HIVEP3: variants seen among roughly 807,000 people sequenced by gnomAD.
HIVEP3 encodes HIVEP zinc finger 3, also known as transcription factor HIVEP3.
A neutral mutation model predicts 152.8 loss-of-function variants in HIVEP3; 49 were observed. The ratio of observed to expected loss-of-function variants is 0.32; its 90% confidence interval spans 0.26 to 0.41. HIVEP3 has a LOEUF of 0.41. Ranked by LOEUF, HIVEP3 falls within the 10% of genes least tolerant of loss-of-function variation. HIVEP3 has a pLI of 1.00. For missense variants in HIVEP3, 2,790 were observed against 3,103.3 expected, an observed-to-expected ratio of 0.90 and a Z score of 2.40; for synonymous variants, 1,269 against 1,289.0, an observed-to-expected ratio of 0.98 and a Z score of 0.33.
chr1:42,006,041 C>T (rs940863804), intron 1 of HIVEP3, among the ~76,000 whole-genome samples: 8 of 152,050 alleles, frequency 5.3e-5, no homozygotes, highest in East Asian at 3.8e-4. Context: ...TTTAAGGTCA[C>T]GACAAGTTAA....
At chr1:41,722,306 C>G (rs141834361) in intron 1 of HIVEP3, among the ~76,000 whole-genome samples, 18 of 152,242 alleles carry the variant, frequency 1.2e-4, no homozygotes, top group African/African-American at 2.2e-4. Flanking sequence ...GGATGTAGCT[C>G]GTGCTTGTGA....
intron 1 of HIVEP3, among the ~76,000 whole-genome samples, chr1:41,833,526 G>A (rs529067351): frequency 7.9e-5 from 12 of 152,306 alleles, no homozygotes; most frequent in African/African-American, 1.2e-4. Flanking sequence ...ACAAAGGCAC[G>A]AATGGTAGAG....
chr1:42,026,456 A>C (rs953677229), intron 1 of HIVEP3, among the ~76,000 whole-genome samples: 6 of 152,204 alleles, frequency 3.9e-5, no homozygotes, highest in African/African-American at 1.4e-4. Flanking sequence ...CAATTTAAAA[A>C]ATATATCCAA....
intron 1 of HIVEP3, among the ~76,000 whole-genome samples, chr1:41,950,607 C>T (rs561713216): frequency 1.3e-5 from 2 of 152,342 alleles, no homozygotes; most frequent in East Asian, 3.9e-4. Context: ...GGAAAAATGA[C>T]TATGCTGTGA....
chr1:41,768,594 T>C (rs1015431491), intron 1 of HIVEP3, among the ~76,000 whole-genome samples: 3 of 152,238 alleles, frequency 2.0e-5, no homozygotes, highest in Non-Finnish European at 2.9e-5. Flanking sequence ...CTTTGACGTA[T>C]ATAGACCCTT....
At chr1:41,895,707 A>G (rs942385160) in intron 1 of HIVEP3, among the ~76,000 whole-genome samples, 1 of 152,182 alleles carries the variant, frequency 6.6e-6, no homozygotes, top group Non-Finnish European at 1.5e-5. Context: ...AAGGTGGAGG[A>G]GGGCCTTCTG....
chr1:41,613,459 G>A (rs1177781510), intron 3 of HIVEP3, among the ~76,000 whole-genome samples: 1 of 152,146 alleles, frequency 6.6e-6, no homozygotes, highest in Non-Finnish European at 1.5e-5. Flanking sequence ...CATGTTCTCT[G>A]TGCCTGCCAC....
At chr1:41,834,207 G>A (rs1643052667) in intron 1 of HIVEP3, among the ~76,000 whole-genome samples, 1 of 152,196 alleles carries the variant, frequency 6.6e-6, no homozygotes, top group Non-Finnish European at 1.5e-5. Context: ...CAGGAGGGGT[G>A]ATGGCCATCT....
intron 1 of HIVEP3, among the ~76,000 whole-genome samples, chr1:41,874,918 TG>T (rs1457657151): frequency 6.6e-6 from 1 of 152,216 alleles, no homozygotes; most frequent in Non-Finnish European, 1.5e-5. Context: ...CAACTTGGGC[TG>T]GCCTTGGTGC....
chr1:41,865,006 C>G (rs1006421601), intron 1 of HIVEP3, among the ~76,000 whole-genome samples: 3 of 152,188 alleles, frequency 2.0e-5, no homozygotes. Context: ...GAGGCTGGGA[C>G]AGTTAAACAG....
At chr1:41,965,904 G>T (rs1337827486) in intron 1 of HIVEP3, among the ~76,000 whole-genome samples, 1 of 152,090 alleles carries the variant, frequency 6.6e-6, no homozygotes. Context: ...TCCATGAGAA[G>T]ATCAACCCCA....
chr1:41,556,220 G>A (rs185714489), intron 5 of HIVEP3, among the ~76,000 whole-genome samples: 8 of 152,224 alleles, frequency 5.3e-5, no homozygotes, highest in East Asian at 1.9e-4. Flanking sequence ...TTTTCACAGC[G>A]GCTGCACCAT....
At chr1:41,588,395 G>A (rs567057459) in intron 3 of HIVEP3, among the ~76,000 whole-genome samples, 1 of 152,232 alleles carries the variant, frequency 6.6e-6, no homozygotes, top group South Asian at 2.1e-4. Context: ...TCTGAGTGGG[G>A]GTCAGCTGGC....
chr1:41,737,021 C>A (rs566342634), intron 1 of HIVEP3, among the ~76,000 whole-genome samples: 5 of 152,292 alleles, frequency 3.3e-5, no homozygotes, highest in African/African-American at 1.2e-4. Context: ...CTCCAGGCAC[C>A]AGCCACAAAT....
chr1:42,011,740 C>T (rs1015341245), intron 1 of HIVEP3, among the ~76,000 whole-genome samples: 3 of 152,202 alleles, frequency 2.0e-5, no homozygotes, highest in African/African-American at 7.2e-5. Flanking sequence ...CTTCTAATCT[C>T]AACTACGAGC....
At chr1:41,949,247 C>T (rs1219684879) in intron 1 of HIVEP3, among the ~76,000 whole-genome samples, 3 of 152,168 alleles carry the variant, frequency 2.0e-5, no homozygotes, top group African/African-American at 4.8e-5. Flanking sequence ...ACCTAAGCCC[C>T]GAAACAAAAG....
intron 3 of HIVEP3, among the ~76,000 whole-genome samples, chr1:41,611,973 T>C (rs1461679098): frequency 2.0e-5 from 3 of 152,136 alleles, no homozygotes; most frequent in Admixed American, 6.5e-5. Flanking sequence ...CCCTTCTTGA[T>C]GGCCCAGGCT....
At chr1:41,689,505 A>G (rs1456072261) in intron 2 of HIVEP3, among the ~76,000 whole-genome samples, 2 of 152,086 alleles carry the variant, frequency 1.3e-5, no homozygotes, top group East Asian at 1.9e-4. Flanking sequence ...AGGACTTTCC[A>G]TTTCACGGGA....
chr1:41,662,922 C>T lies in HIVEP3; in HGVS notation c.-720-33975G>A, dbSNP rs1645740823. The stretch of plus-strand genomic sequence containing the variant: ...CCGGGCTCCGGGAAGCCCGCGCCTC[C>T]CCAGGCGGGAATCCGCTTTAATGAG... On this transcript the variant is annotated intron_variant, in intron 2 of 8. Transcript: ENST00000372583. This position sits in a 1 kb window ranked among gnomAD's most constrained non-coding sequence, Gnocchi z 7.2. 6.6e-6 allele frequency among the ~76,000 whole-genome samples: 1 copy of T among 152,192 alleles called. No individual in the cohort carries two copies. Among genetic ancestry groups the T allele is most frequent in the African/African-American group, 2.4e-5 (1 of 41,460 alleles).
Sources: gnomAD v4.1 joint callset for allele counts (sites outside exome capture counted in the v4.1 genomes callset) on GRCh38, gnomAD v4.1.1 for gene constraint, Gnocchi (gnomAD v3.1) non-coding constraint, MANE v1.5 for transcripts, NCBI Gene and HGNC (gene_info 2026-07-23, HGNC 2026-07-21) for gene names.